Variants in LRP1B observed in about 807,000 individuals in gnomAD.
LRP1B encodes the protein LDL receptor related protein 1B, also known as low-density lipoprotein receptor-related protein 1B.
LRP1B carries 217 observed loss-of-function variants against 556.6 expected under a neutral mutation model. The ratio of observed to expected loss-of-function variants is 0.39; its 90% CI spans 0.35 to 0.44. The LOEUF (loss-of-function observed/expected upper bound fraction) is 0.44, where lower values mean the gene tolerates loss of function less well. LRP1B is among the 20% of genes least tolerant of loss of function. The pLI is 1.00. For missense variants in LRP1B, 5,053 were observed against 5,620.8 expected (o/e 0.90, Z 3.23); for synonymous variants, 2,047 against 1,865.8 (o/e 1.10, Z -2.50).
At chr2:141,284,151 A>AT (rs927816584) in intron 3 of LRP1B, among the ~76,000 whole-genome samples, 1 of 152,128 alleles carries the variant, frequency 6.6e-6, no homozygotes, top group African/African-American at 2.4e-5. Context: ...TTTGTATGAT[A>AT]TTTTTTCTCC....
intron 18 of LRP1B, among the ~76,000 whole-genome samples, chr2:140,954,316 A>G (rs538996147): frequency 5.1e-4 from 77 of 152,268 alleles, no homozygotes; most frequent in African/African-American, 1.8e-3. Context: ...CAGAGAATCA[A>G]CTCAAGTTTT....
rs1692464973 is a variant in LRP1B, at chr2:140,851,742, A to T, written c.4621T>A (p.Ser1541Thr). Residue 1541 changes from serine to threonine, a missense_variant, in exon 28 of 91, where the codon TCT (serine) becomes ACT (threonine). Ser to Thr is a moderately conservative substitution (Grantham distance 58, BLOSUM62 1). Coordinates refer to ENST00000389484, the MANE Select transcript of LRP1B (RefSeq NM_018557.3). ...TTGTGATTGATTAGACACATGTGAG[A>T]GCAGGGGCCTTTGCCATCATTAGCT... ...CAANDGKGPC[S>T]HMCLINHNRS... is the part of the protein sequence containing the mutation. 1.2e-6 allele frequency: 2 copies of T among 1,607,524 alleles called. No homozygotes were observed. Among genetic ancestry groups the T allele is most frequent in the Non-Finnish European group, 1.7e-6 (2 of 1,177,888 alleles).
chr2:141,190,747 C>A (rs1681468802), intron 6 of LRP1B, among the ~76,000 whole-genome samples: 1 of 151,810 alleles, frequency 6.6e-6, no homozygotes, highest in Non-Finnish European at 1.5e-5. Flanking sequence ...TTGATACTTC[C>A]TTTCTCGAAC....
intron 7 of LRP1B, among the ~76,000 whole-genome samples, chr2:141,163,881 C>T (rs895206739): frequency 1.3e-5 from 2 of 151,990 alleles, no homozygotes; most frequent in Admixed American, 6.6e-5. Context: ...TTATATCCTG[C>T]ATGGGTAAAC....
chr2:140,475,581 C>A (rs1350233083), intron 59 of LRP1B, among the ~76,000 whole-genome samples: 4 of 150,460 alleles, frequency 2.7e-5, no homozygotes, highest in African/African-American at 9.8e-5. Context: ...TCATATATAA[C>A]AATATTATAT....
intron 1 of LRP1B, among the ~76,000 whole-genome samples, chr2:142,022,922 A>G (rs1703386879): frequency 6.6e-6 from 1 of 151,956 alleles, no homozygotes; most frequent in South Asian, 2.1e-4. Context: ...TGATCTGCCC[A>G]CCTCGGCCTT....
intron 81 of LRP1B, among the ~76,000 whole-genome samples, chr2:140,323,128 G>T (rs1680243395): frequency 6.6e-6 from 1 of 151,936 alleles, no homozygotes; most frequent in Admixed American, 6.6e-5. Context: ...CATTTCATTT[G>T]CCATAAATAG....
At chr2:141,743,504 T>TTTTTTTTTTTTTTTTTTTTC (rs1693794600) in intron 2 of LRP1B, among the ~76,000 whole-genome samples, 1 of 79,008 alleles carries the variant, frequency 1.3e-5, no homozygotes, top group African/African-American at 4.4e-5. Flanking sequence ...TTTTTTTCTT[T>TTTTTTTTTTTTTTTTTTTTC]TTTTTTTTTT....
intron 1 of LRP1B, among the ~76,000 whole-genome samples, chr2:142,013,763 G>C (rs950491260): frequency 1.3e-5 from 2 of 152,064 alleles, no homozygotes; most frequent in African/African-American, 4.8e-5. Flanking sequence ...TATTTGGATT[G>C]TACAGTGATT....
intron 3 of LRP1B, among the ~76,000 whole-genome samples, chr2:141,273,714 G>GA (rs764770111): frequency 3.9e-5 from 6 of 152,094 alleles, no homozygotes; most frequent in Middle Eastern, 3.4e-3. Context: ...AGTGACAAAG[G>GA]AAAAAATACA....
intron 3 of LRP1B, among the ~76,000 whole-genome samples, chr2:141,285,863 G>C (rs1329887639): frequency 2.0e-5 from 3 of 148,462 alleles, no homozygotes; most frequent in African/African-American, 7.4e-5. Context: ...TCAGGAGATC[G>C]AGACCATCCC....
chr2:140,536,723 A>T lies in LRP1B; in HGVS notation c.7514-14T>A. 6.3e-7 allele frequency: 1 copy of T among 1,580,416 alleles called. No homozygotes were observed. Among genetic ancestry groups the T allele is most frequent in the Non-Finnish European group, 8.6e-7 (1 of 1,168,712 alleles). ...AGGAATTTTTAGCTGCAAGAAAAAAAAAAAAAGTCAATACTTTTGTGCAAT... is the reference window on the plus strand; with the variant it reads ...AGGAATTTTTAGCTGCAAGAAAAAATAAAAAAGTCAATACTTTTGTGCAAT... On this transcript the variant is annotated splice_polypyrimidine_tract_variant and intron_variant, in intron 45 of 90. Coordinates refer to ENST00000389484, the MANE Select transcript of LRP1B (RefSeq NM_018557.3).
intron 1 of LRP1B, among the ~76,000 whole-genome samples, chr2:141,904,113 C>A (rs1212491922): frequency 6.6e-6 from 1 of 151,858 alleles, no homozygotes; most frequent in Non-Finnish European, 1.5e-5. Flanking sequence ...AACACAATTA[C>A]AAGATTTTAA....
At chr2:140,276,393 A>G (rs778419629) in intron 84 of LRP1B, among the ~76,000 whole-genome samples, 1 of 151,942 alleles carries the variant, frequency 6.6e-6, no homozygotes, top group Non-Finnish European at 1.5e-5. Flanking sequence ...GCTATATTTA[A>G]GACATATAGC....
At chr2:140,806,954 T>C (rs146118000) in intron 32 of LRP1B, among the ~76,000 whole-genome samples, 2 of 152,354 alleles carry the variant, frequency 1.3e-5, no homozygotes, top group East Asian at 3.9e-4. Context: ...ATACAATATA[T>C]GCAGTCTGCT....
At chr2:140,542,030 C>A (rs2105021700) in intron 43 of LRP1B, 59 bp from the exon 44 acceptor site, 2 of 1,133,284 alleles carry the variant, frequency 1.8e-6, no homozygotes, top group Non-Finnish European at 1.2e-6. Context: ...TATACGTCCA[C>A]ACCTATTTTT....
intron 7 of LRP1B, among the ~76,000 whole-genome samples, chr2:141,074,569 G>GTCTGTCTC (rs1553456108): frequency 4.2e-4 from 57 of 136,314 alleles, no homozygotes; most frequent in Non-Finnish European, 5.8e-4. Flanking sequence ...CTGTCTCTCT[G>GTCTGTCTC]TCTCTCTCTC....
chr2:141,893,550 A>T (rs1157752210), intron 1 of LRP1B, among the ~76,000 whole-genome samples: 1 of 152,056 alleles, frequency 6.6e-6, no homozygotes. Flanking sequence ...TTTTTTGAAA[A>T]TTTCAAACTT....
chr2:140,426,264 TG>T (rs1449671900), intron 66 of LRP1B, among the ~76,000 whole-genome samples: 1 of 152,234 alleles, frequency 6.6e-6, no homozygotes, highest in Non-Finnish European at 1.5e-5. Context: ...AAAGCTAAGC[TG>T]TAATTATTTG....
Sources: gnomAD v4.1 joint callset for allele counts (sites outside exome capture counted in the v4.1 genomes callset) on GRCh38, gnomAD v4.1.1 for gene constraint, MANE v1.5 for transcripts, NCBI Gene and HGNC (gene_info 2026-07-23, HGNC 2026-07-21) for gene names.